PCDHGB2: variants seen among roughly 807,000 people sequenced by gnomAD.
The protein encoded by PCDHGB2 is protocadherin gamma-B2.
Under a neutral mutation model 59.3 loss-of-function variants are expected in PCDHGB2, and 55 were observed. The ratio of observed to expected loss-of-function variants is 0.93; its 90% CI spans 0.75 to 1.16. PCDHGB2 has a LOEUF of 1.16. Ranked by LOEUF, PCDHGB2 falls within the 50% of genes most tolerant of loss-of-function variation. The pLI is 0.00. For synonymous variants in PCDHGB2, 516 were observed against 512.0 expected (o/e 1.01, Z -0.11); for missense variants, 1,228 against 1,198.5 (o/e 1.02, Z -0.36).
intron 1 of PCDHGB2, chr5:141,378,905 C>T (rs1043140389): frequency 1.3e-5 from 2 of 152,088 alleles, no homozygotes; most frequent in African/African-American, 4.8e-5. Context: ...ATTCTGTTAT[C>T]GACAGTCTTC....
At chr5:141,478,269 A>G in intron 1 of PCDHGB2, 1 of 1,614,146 alleles carries the variant, frequency 6.2e-7, no homozygotes, top group Non-Finnish European at 8.5e-7. Flanking sequence ...TTCAAAGTTT[A>G]CAAGTGGAAG....
chr5:141,369,694 A>G (rs925359882), intron 1 of PCDHGB2, among the ~76,000 whole-genome samples: 1 of 152,246 alleles, frequency 6.6e-6, no homozygotes, highest in Non-Finnish European at 1.5e-5. Flanking sequence ...AATAAAACTA[A>G]AAGCTATGAC....
intron 1 of PCDHGB2, chr5:141,433,012 G>A (rs1402902269): frequency 2.5e-6 from 4 of 1,614,054 alleles, no homozygotes; most frequent in Non-Finnish European, 3.4e-6. Flanking sequence ...CTTTCCTGCA[G>A]ACCTATTCCC....
At chr5:141,465,323 G>A (rs757662972) in intron 1 of PCDHGB2, among the ~76,000 whole-genome samples, 1 of 152,138 alleles carries the variant, frequency 6.6e-6, no homozygotes, top group Non-Finnish European at 1.5e-5. Flanking sequence ...TGTCAATGCA[G>A]TATTTTTTAT....
chr5:141,414,990 C>A (rs1442265707), intron 1 of PCDHGB2: 5 of 1,613,794 alleles, frequency 3.1e-6, no homozygotes, highest in Admixed American at 1.7e-5. Context: ...CCGGCCAGAA[C>A]GCCTGGCTGT....
chr5:141,490,061 A>T lies in PCDHGB2; in HGVS notation c.2422-4746A>T. The stretch of plus-strand genomic sequence containing the variant: ...GCCACTGATCCAGACGAGGGCACCA[A>T]CGGCCAACTAGACTATTCTTTTGGA... On this transcript the variant is annotated intron_variant, in intron 1 of 3. Transcript: ENST00000522605. This position sits in a 1 kb window ranked among gnomAD's most constrained non-coding sequence, Gnocchi z 5.4. 1 of 1,614,214 alleles carries T rather than the reference A, an allele frequency of 6.2e-7. No homozygotes were observed. The highest frequency in any genetic ancestry group is 8.5e-7 in the Non-Finnish European group (1 of 1,180,030).
At chr5:141,478,838 T>C (rs1439577444) in intron 1 of PCDHGB2, 1 of 1,426,484 alleles carries the variant, frequency 7.0e-7, no homozygotes, top group Non-Finnish European at 9.2e-7. Flanking sequence ...TAAGGGATGG[T>C]TAAGCTAAAA....
intron 1 of PCDHGB2, chr5:141,374,217 T>C (rs771956915): frequency 5.6e-6 from 9 of 1,613,862 alleles, no homozygotes; most frequent in Non-Finnish European, 6.8e-6. Context: ...GGCTCCTTCG[T>C]AGGCAACATC....
intron 1 of PCDHGB2, chr5:141,400,586 A>G (rs963844263): frequency 6.2e-7 from 1 of 1,607,730 alleles, no homozygotes; most frequent in Non-Finnish European, 8.5e-7. Context: ...TTTACATGAA[A>G]CTATCGTACA....
At chr5:141,415,095 C>T (rs1045755927) in intron 1 of PCDHGB2, 1 of 1,613,584 alleles carries the variant, frequency 6.2e-7, no homozygotes, top group Non-Finnish European at 8.5e-7. Context: ...TGGACAGAGA[C>T]GCGCTCAAGC....
At chr5:141,464,759 ACAGG>A (rs2099090169) in intron 1 of PCDHGB2, among the ~76,000 whole-genome samples, 1 of 152,158 alleles carries the variant, frequency 6.6e-6, no homozygotes, top group Non-Finnish European at 1.5e-5. Context: ...TTTTTTAGAG[ACAGG>A]AATCTTGTTC....
At position 141,360,543 on chromosome 5, in the gene PCDHGB2, T is replaced by C. The variant is rs369225043; in HGVS notation, c.408T>C (p.Thr136=). 6.2e-7 allele frequency: 1 copy of C among 1,613,834 alleles called. No individual in the cohort carries two copies. The highest frequency in any genetic ancestry group is 8.5e-7 in the Non-Finnish European group (1 of 1,179,890). The change falls in exon 1 of 4, where the codon ACT becomes ACC. Residue 136 remains threonine (T), a synonymous_variant. Transcript: ENST00000522605. ...ATAATACCCCGCTATTCAAACAGACTAAGATTAATTTAAAAATTGGCGAAT... is the reference window on the plus strand; with the variant it reads ...ATAATACCCCGCTATTCAAACAGACCAAGATTAATTTAAAAATTGGCGAAT... ...INDNTPLFKQ[T]KINLKIGEST... is the part of the protein sequence containing the mutation.
intron 2 of PCDHGB2, among the ~76,000 whole-genome samples, chr5:141,502,654 C>T (rs1424933188): frequency 6.6e-6 from 1 of 152,230 alleles, no homozygotes; most frequent in South Asian, 2.1e-4. Context: ...TAGGCAGCAA[C>T]CCTTCATGCA....
At position 141,485,009 on chromosome 5, in the gene PCDHGB2, C is replaced by T. The variant is rs531346426; in HGVS notation, c.2422-9798C>T. The T allele has an allele frequency of 6.4e-5, 40 of 628,334 alleles. No homozygotes were observed. Among genetic ancestry groups the T allele is most frequent in the Admixed American group, 5.3e-4 (18 of 33,986 alleles). The allele number at this position is 628,334 out of a possible 1,614,324, so 38.9% of individuals were successfully genotyped here. On this transcript the variant is annotated intron_variant, in intron 1 of 3. Transcript: ENST00000522605. The surrounding 1 kb of genome is among the most constrained non-coding windows in gnomAD (Gnocchi z 5.7). Reference sequence around the variant, plus strand: ...GGTGGTGAAAGGCAGACAAATCTACCCCGCCACCAGCAAAAACGGCGCGTA... The same window carrying T: ...GGTGGTGAAAGGCAGACAAATCTACTCCGCCACCAGCAAAAACGGCGCGTA...
At position 141,360,766 on chromosome 5, in the gene PCDHGB2, G is replaced by A; in HGVS notation, c.631G>A (p.Val211Ile). The A allele has an allele frequency of 1.2e-6, 2 of 1,613,872 alleles. No homozygotes were observed. Among genetic ancestry groups the A allele is most frequent in the Non-Finnish European group, 1.7e-6 (2 of 1,179,888 alleles). ...DREEHSLHQL[V>I]LTAVDGGDPP... ...AGAAGAGCACAGTTTACATCAATTGGTCCTCACAGCTGTGGATGGCGGAGA... is the reference window on the plus strand; with the variant it reads ...AGAAGAGCACAGTTTACATCAATTGATCCTCACAGCTGTGGATGGCGGAGA... Residue 211 changes from valine (V) to isoleucine (I), a missense_variant, in exon 1 of 4, where the codon GTC (valine) becomes ATC (isoleucine). Coordinates refer to ENST00000522605, the MANE Select transcript of PCDHGB2 (RefSeq NM_018923.3).
At chr5:141,425,717 C>G (rs1207360676) in intron 1 of PCDHGB2, among the ~76,000 whole-genome samples, 1 of 152,188 alleles carries the variant, frequency 6.6e-6, no homozygotes, top group African/African-American at 2.4e-5. Context: ...TTTTCCCATA[C>G]CACTTGATGG....
At position 141,360,102 on chromosome 5, in the gene PCDHGB2, C is replaced by T. The variant is rs530757240; in HGVS notation, c.-34C>T. 7.6e-5 allele frequency: 116 copies of T among 1,535,872 alleles called. No homozygotes were observed. The highest frequency in any genetic ancestry group is 5.3e-4 in the Middle Eastern group (3 of 5,622). On this transcript the variant is annotated 5_prime_UTR_variant, in exon 1 of 4. Transcript: ENST00000522605. ...TCTGCCATCCCCGGAAGGCTTATTC[C>T]TCCTATGGGCAAAGGAGCAAAGGGA...
chr5:141,436,118 T>C (rs188307595), intron 1 of PCDHGB2, among the ~76,000 whole-genome samples: 5 of 152,310 alleles, frequency 3.3e-5, no homozygotes, highest in Admixed American at 2.0e-4. Flanking sequence ...ATGAAACCTC[T>C]CTCCTCCATC....
chr5:141,471,404 TTA>T (rs1320685792), intron 1 of PCDHGB2: 3 of 152,170 alleles, frequency 2.0e-5, no homozygotes, highest in Non-Finnish European at 4.4e-5. Flanking sequence ...GTAGCTAGGC[TTA>T]GTTATGTTTT....
Sources: gnomAD v4.1 joint callset for allele counts (sites outside exome capture counted in the v4.1 genomes callset) on GRCh38, gnomAD v4.1.1 for gene constraint, Gnocchi (gnomAD v3.1) non-coding constraint, MANE v1.5 for transcripts, NCBI Gene and HGNC (gene_info 2026-07-23, HGNC 2026-07-21) for gene names.